The following NTRK3 variants were observed in gnomAD, a reference collection of about 807,000 sequenced individuals.
The protein encoded by NTRK3 is NT-3 growth factor receptor.
Under a neutral mutation model 91.7 loss-of-function variants are expected in NTRK3, and 24 were observed. The ratio of observed to expected loss-of-function variants is 0.26; its 90% confidence interval spans 0.19 to 0.37. The LOEUF is 0.37. Among genes scored for constraint, NTRK3 ranks in the 10% least tolerant of loss-of-function variants. The probability of loss-of-function intolerance (pLI) is 1.00; values close to 1 mark genes in which losing one functional copy is unlikely to be tolerated. For missense variants in NTRK3, 880 were observed against 1,068.9 expected (o/e 0.82, Z 2.46); for synonymous variants, 483 against 404.0 (o/e 1.20, Z -2.34).
rs74027921 is a variant in NTRK3 at position 88,245,537 on chromosome 15, A to G, written c.248+10369T>C. 8.9e-3 allele frequency among the ~76,000 whole-genome samples: 1,359 copies of G among 152,308 alleles called. 19 individuals carry two copies. The highest frequency in any genetic ancestry group is 0.03 in the African/African-American group (1,259 of 41,566). The stretch of plus-strand genomic sequence containing the variant: ...TCGGGATGCAGGAATTGGTCTAACC[A>G]AATACCCTGGATTAGAAGATTAATC... On this transcript the variant is annotated intron_variant, in intron 3 of 18. Transcript: ENST00000394480.
chr15:88,173,984 G>A (rs555397907), intron 5 of NTRK3, among the ~76,000 whole-genome samples: 12 of 152,236 alleles, frequency 7.9e-5, no homozygotes, highest in Non-Finnish European at 1.2e-4. Flanking sequence ...CATATAAAGT[G>A]CATAGAGGAA....
At chr15:88,073,777 A>AC (rs145193852) in intron 13 of NTRK3, among the ~76,000 whole-genome samples, 14,986 of 149,260 alleles carry the variant, frequency 0.1, 909 homozygotes, top group African/African-American at 0.16. Flanking sequence ...GTGCTGCAAC[A>AC]CCCCCCCGCC....
chr15:88,083,270 G>C (rs944827425), intron 13 of NTRK3, among the ~76,000 whole-genome samples: 2 of 152,110 alleles, frequency 1.3e-5, no homozygotes, highest in African/African-American at 4.8e-5. Flanking sequence ...ACCCAGGCTG[G>C]AGTGCAACGG....
intron 14 of NTRK3, among the ~76,000 whole-genome samples, chr15:87,961,384 G>T (rs1484132840): frequency 2.0e-5 from 3 of 152,246 alleles, no homozygotes; most frequent in Non-Finnish European, 2.9e-5. Flanking sequence ...ACTCAAGCTA[G>T]CTATGTGGGT....
At chr15:88,046,289 C>T (rs2080188440) in intron 13 of NTRK3, among the ~76,000 whole-genome samples, 1 of 152,188 alleles carries the variant, frequency 6.6e-6, no homozygotes. Context: ...GCCACACCTT[C>T]CAGACTGGCC....
intron 14 of NTRK3, among the ~76,000 whole-genome samples, chr15:87,996,270 TA>T (rs1165632680): frequency 1.3e-5 from 2 of 151,926 alleles, no homozygotes; most frequent in Non-Finnish European, 2.9e-5. Flanking sequence ...TAAAATAAAA[TA>T]AAACCATTCT....
Position 88,122,555 on chromosome 15 carries a change from G to A in NTRK3, c.1396+3716C>T, listed in dbSNP as rs148075003. Reference sequence around the variant, plus strand: ...TTTTATATCTTCCCAAACTAAAGCAGTAAATGCAAATATAAGACAAAACAG... The same window carrying A: ...TTTTATATCTTCCCAAACTAAAGCAATAAATGCAAATATAAGACAAAACAG... On this transcript the variant is annotated intron_variant, in intron 13 of 18. Transcript: ENST00000394480. 1.9e-4 allele frequency among the ~76,000 whole-genome samples: 29 copies of A among 152,312 alleles called. No individual in the cohort carries two copies. In the East Asian group the frequency reaches 5.6e-3, roughly 29 times the overall value.
At position 87,933,198 on chromosome 15, in the gene NTRK3, A is replaced by G. The variant is rs759563644; in HGVS notation, c.1717-14T>C. On this transcript the variant is annotated splice_polypyrimidine_tract_variant and intron_variant, in intron 15 of 18. Coordinates refer to ENST00000394480, the Ensembl canonical transcript of NTRK3. ...ATCCTTCAGGGCCTAGGAACAATGC[A>G]GGACACAGGTGTTTAACAACTACAG... 99 of 1,613,958 alleles carry G rather than the reference A, an allele frequency of 6.1e-5. No homozygotes were observed. Among genetic ancestry groups the G allele is most frequent in the Non-Finnish European group, 6.0e-5 (71 of 1,179,950 alleles).
intron 13 of NTRK3, among the ~76,000 whole-genome samples, chr15:88,062,253 C>A (rs902442102): frequency 5.3e-5 from 8 of 152,236 alleles, no homozygotes; most frequent in Admixed American, 5.2e-4. Context: ...GTAGTATATC[C>A]CACAGAGGTG....
chr15:87,978,951 A>T, intron 14 of NTRK3: 1 of 342,142 alleles, frequency 2.9e-6, no homozygotes, highest in Non-Finnish European at 5.4e-6. Context: ...AAGCAGGGAA[A>T]GTGAGGCTGG....
chr15:88,231,606 AT>A (rs1359198492), intron 3 of NTRK3, among the ~76,000 whole-genome samples: 2 of 152,156 alleles, frequency 1.3e-5, no homozygotes, highest in Non-Finnish European at 2.9e-5. Flanking sequence ...TTCTGCCTCG[AT>A]TTCACTCAAT....
At chr15:87,890,322 G>A (rs2065787563) in intron 17 of NTRK3, among the ~76,000 whole-genome samples, 1 of 152,088 alleles carries the variant, frequency 6.6e-6, no homozygotes. Context: ...TTTAGTGGCT[G>A]CAAAAGGGAG....
At chr15:88,113,311 CTTTTTTT>C (rs60232101) in intron 13 of NTRK3, among the ~76,000 whole-genome samples, 27,943 of 111,616 alleles carry the variant, frequency 0.25, 2,808 homozygotes, top group Middle Eastern at 0.34. Flanking sequence ...TGATCAATTT[CTTTTTTT>C]TTTTTTTTTT....
chr15:88,192,901 C>T (rs900661061), intron 3 of NTRK3, among the ~76,000 whole-genome samples: 2 of 152,188 alleles, frequency 1.3e-5, no homozygotes, highest in African/African-American at 4.8e-5. Context: ...CTCTCTGGCA[C>T]AAACGCCTGT....
intron 5 of NTRK3, among the ~76,000 whole-genome samples, chr15:88,166,596 G>A (rs1400617430): frequency 1.3e-5 from 2 of 152,154 alleles, no homozygotes; most frequent in East Asian, 1.9e-4. Context: ...GCTGGGAGTT[G>A]AGTAAGCAAA....
chr15:88,075,132 T>C (rs2047422807), intron 13 of NTRK3, among the ~76,000 whole-genome samples: 1 of 152,198 alleles, frequency 6.6e-6, no homozygotes, highest in African/African-American at 2.4e-5. Flanking sequence ...ATGTAAACTG[T>C]ACAGTGACCC....
At chr15:88,124,621 G>C (rs3784411) in intron 13 of NTRK3, among the ~76,000 whole-genome samples, 33,393 of 152,088 alleles carry the variant, frequency 0.22, 3,865 homozygotes, top group Middle Eastern at 0.26. Context: ...GGCAATAATA[G>C]TGCCAGTCCT....
At chr15:87,865,243 G>A (rs1233148967) in exon 19 of NTRK3, 2 of 206,434 alleles carry the variant, frequency 9.7e-6, no homozygotes, top group Non-Finnish European at 2.0e-5. Flanking sequence ...GTTGCTTGGA[G>A]ATCTATGAAA....
intron 17 of NTRK3, among the ~76,000 whole-genome samples, chr15:87,920,926 A>C (rs887734415): frequency 6.6e-6 from 1 of 152,184 alleles, no homozygotes; most frequent in Non-Finnish European, 1.5e-5. Context: ...AATGTGCATT[A>C]GTGGAAAAGC....
Sources: gnomAD v4.1 joint callset for allele counts (sites outside exome capture counted in the v4.1 genomes callset) on GRCh38, gnomAD v4.1.1 for gene constraint, MANE v1.5 for transcripts, NCBI Gene and HGNC (gene_info 2026-07-23, HGNC 2026-07-21) for gene names.